Variants in NTF4 observed in about 807,000 individuals in gnomAD.
NTF4 encodes the protein neurotrophin-4.
A neutral mutation model predicts 4.4 loss-of-function variants in NTF4; 2 were observed. The ratio of observed to expected loss-of-function variants is 0.46; its 90% CI spans 0.19 to 1.44. The LOEUF (loss-of-function observed/expected upper bound fraction) is 1.44. NTF4 is among the 40% of genes most tolerant of loss of function. NTF4 has a pLI of 0.26. For missense variants in NTF4, 260 were observed against 293.0 expected, an observed-to-expected ratio of 0.89 and a Z score of 0.82; for synonymous variants, 127 against 122.0, an observed-to-expected ratio of 1.04 and a Z score of -0.27.
upstream of NTF4, chr19:49,063,642 C>T (rs890611913): frequency 6.6e-6 from 1 of 152,114 alleles, no homozygotes; most frequent in South Asian, 2.1e-4. Flanking sequence ...CTGGTGGAGG[C>T]GCGGATTTTG....
chr19:49,062,020 A>G, upstream of NTF4: 1 of 1,442,764 alleles, frequency 6.9e-7, no homozygotes, highest in South Asian at 1.5e-5. Flanking sequence ...CTGGAGACAG[A>G]AAGAGGGAGG....
downstream of NTF4, among the ~76,000 whole-genome samples, chr19:49,059,286 T>C: frequency 6.6e-6 from 1 of 152,082 alleles, no homozygotes; most frequent in East Asian, 1.9e-4. Flanking sequence ...CTGCCTGCCT[T>C]TGATTTGGTT....
At chr19:49,059,554 G>A (rs999104708), downstream of NTF4, among the ~76,000 whole-genome samples, 4 of 152,162 alleles carry the variant, frequency 2.6e-5, no homozygotes, top group African/African-American at 7.2e-5. Flanking sequence ...ACAAGGAGAC[G>A]TAGAAACTGA....
At chr19:49,059,533 A>T (rs1326057570), downstream of NTF4, among the ~76,000 whole-genome samples, 1 of 152,206 alleles carries the variant, frequency 6.6e-6, no homozygotes. Context: ...GACCAAAGTC[A>T]CAGATGGAAA....
At chr19:49,058,584 G>A (rs1179738061), downstream of NTF4, 2 of 479,678 alleles carry the variant, frequency 4.2e-6, no homozygotes, top group Non-Finnish European at 7.3e-6. Flanking sequence ...CCCAGGCCCC[G>A]CAGGGCTTCA....
Position 49,061,627 on chromosome 19 carries a change from A to G in NTF4, c.371T>C (p.Val124Ala). Residue 124 changes from valine (V) to alanine (A), a missense_variant, in exon 1 of 1, where the codon GTG becomes GCG. Val to Ala is a moderately conservative substitution (Grantham distance 64). Coordinates refer to ENST00000593537, the Ensembl canonical transcript of NTF4. This position sits in a 1 kb window ranked among gnomAD's most constrained non-coding sequence, Gnocchi z 4.9. ...GAGGGGACTGCCGCCAGCTGCAGGCACCTCGCCCAACACCTCCACCTCGCG... is the reference window on the plus strand; with the variant it reads ...GAGGGGACTGCCGCCAGCTGCAGGCGCCTCGCCCAACACCTCCACCTCGCG... 6.2e-7 allele frequency: 1 copy of G among 1,613,754 alleles called. No homozygotes were observed. Among genetic ancestry groups the G allele is most frequent in the Non-Finnish European group, 8.5e-7 (1 of 1,179,994 alleles).
At position 49,061,769 on chromosome 19, in the gene NTF4, G is replaced by A. The variant is rs749505090; in HGVS notation, c.229C>T (p.Arg77Cys). 58 of 1,574,906 alleles carry A rather than the reference G, an allele frequency of 3.7e-5. No homozygotes were observed. Among genetic ancestry groups the A allele is most frequent in the Non-Finnish European group, 4.7e-5 (55 of 1,161,510 alleles). ...GTTTCGCTCACCCCACGCCGGCTGC[G>A]GTTGGCCGGGGCACCTGCTGACTCC... Residue 77 changes from arginine to cysteine, a missense_variant, in exon 1 of 1, where the codon CGC becomes TGC. Arg to Cys is a radical substitution (Grantham distance 180). Coordinates refer to ENST00000593537, the Ensembl canonical transcript of NTF4. This position sits in a 1 kb window ranked among gnomAD's most constrained non-coding sequence, Gnocchi z 4.9.
At chr19:49,062,047 G>A, upstream of NTF4, 1 of 1,428,740 alleles carries the variant, frequency 7.0e-7, no homozygotes, top group Non-Finnish European at 9.2e-7. Flanking sequence ...TTAGAGAAGG[G>A]GGTAAAAACT....
rs1319475405 is a variant in NTF4 at position 49,061,962 on chromosome 19, G to A, written c.36C>T (p.Leu12=). The A allele has an allele frequency of 2.0e-6, 3 of 1,496,204 alleles. No homozygotes were observed. The highest frequency in any genetic ancestry group is 2.5e-5 in the East Asian group (1 of 40,036). The allele number at this position is 1,496,204 out of a possible 1,614,324, so 92.7% of individuals were successfully genotyped here. ...GCACACTGGGGAGGAGGAAAAGGAG[G>A]AGGATGGGGAGGGAGCATGAGGGGA... The change falls in exon 1 of 1, where the codon CTC becomes CTT. Residue 12 remains leucine, a synonymous_variant. Transcript: ENST00000593537. This position sits in a 1 kb window ranked among gnomAD's most constrained non-coding sequence, Gnocchi z 4.9.
downstream of NTF4, among the ~76,000 whole-genome samples, chr19:49,060,068 A>AAAAAAAAAC (rs2040114907): frequency 1.4e-5 from 2 of 145,154 alleles, no homozygotes; most frequent in African/African-American, 5.0e-5. Context: ...AAAAAAAAAA[A>AAAAAAAAAC]AGCTTTTGGT....
chr19:49,060,977 T>A (rs1217719057), downstream of NTF4: 2 of 245,102 alleles, frequency 8.2e-6, no homozygotes, highest in East Asian at 2.1e-4. Flanking sequence ...ACCCACATCG[T>A]GAAATGTCCC....
chr19:49,062,220 C>T (rs2040160918), upstream of NTF4, among the ~76,000 whole-genome samples: 1 of 152,174 alleles, frequency 6.6e-6, no homozygotes, highest in South Asian at 2.1e-4. Context: ...AGGCACTGTG[C>T]CCCACACCTC....
rs1190020412 is a variant in NTF4, at chr19:49,061,912, G to T, written c.86C>A (p.Ser29Ter). ...AGGGGCCAGAAAAGGGGGCAATGTTGAGGGTGGGGGTTGGGACTCAATTGG... is the reference window on the plus strand; with the variant it reads ...AGGGGCCAGAAAAGGGGGCAATGTTTAGGGTGGGGGTTGGGACTCAATTGG... Residue 29 changes from serine (S) to a stop codon, truncating the protein, a stop_gained, in exon 1 of 1, where the codon TCA becomes TAA. Transcript: ENST00000593537. LOFTEE classifies it low-confidence loss of function (END_TRUNC). The surrounding 1 kb of genome is among the most constrained non-coding windows in gnomAD (Gnocchi z 4.9). 43 of 1,528,620 alleles carry T rather than the reference G, an allele frequency of 2.8e-5. No individual in the cohort carries two copies. The highest frequency in any genetic ancestry group is 3.7e-5 in the Non-Finnish European group (42 of 1,128,764). 94.7% of individuals were successfully genotyped at this position (1,528,620 alleles called of 1,614,324 possible). A position where few individuals can be genotyped will look rare whatever the true frequency, so the allele number is the denominator to read the frequency against.
upstream of NTF4, among the ~76,000 whole-genome samples, chr19:49,062,471 AGAGT>A (rs1385375048): frequency 7.2e-5 from 11 of 152,146 alleles, no homozygotes; most frequent in Admixed American, 7.2e-4. Flanking sequence ...CTGGGCGACA[AGAGT>A]GAGACTCTGT....
downstream of NTF4, among the ~76,000 whole-genome samples, chr19:49,059,207 C>A (rs182766693): frequency 7.9e-5 from 12 of 152,278 alleles, no homozygotes; most frequent in African/African-American, 2.9e-4. Flanking sequence ...GTAACGATTT[C>A]CAGATGTCCC....
At chr19:49,062,160 C>T (rs550250943), upstream of NTF4, among the ~76,000 whole-genome samples, 7 of 152,276 alleles carry the variant, frequency 4.6e-5, no homozygotes, top group East Asian at 7.7e-4. Context: ...CTAGGGCTTG[C>T]GTAATGCGCA....
Position 49,061,768 on chromosome 19 carries a change from C to T in NTF4, c.230G>A (p.Arg77His), listed in dbSNP as rs776576559. The T allele has an allele frequency of 8.2e-6, 13 of 1,578,360 alleles. No individual in the cohort carries two copies. Among genetic ancestry groups the T allele is most frequent in the South Asian group, 6.9e-5 (6 of 87,454 alleles). Residue 77 changes from arginine (R) to histidine (H), a missense_variant, in exon 1 of 1, where the codon CGC (arginine) becomes CAC (histidine). Coordinates refer to ENST00000593537, the Ensembl canonical transcript of NTF4. This position sits in a 1 kb window ranked among gnomAD's most constrained non-coding sequence, Gnocchi z 4.9. Reference sequence around the variant, plus strand: ...AGTTTCGCTCACCCCACGCCGGCTGCGGTTGGCCGGGGCACCTGCTGACTC... The same window carrying T: ...AGTTTCGCTCACCCCACGCCGGCTGTGGTTGGCCGGGGCACCTGCTGACTC...
downstream of NTF4, among the ~76,000 whole-genome samples, chr19:49,059,295 T>C (rs1371531472): frequency 6.6e-6 from 1 of 152,046 alleles, no homozygotes; most frequent in Non-Finnish European, 1.5e-5. Flanking sequence ...TTTGATTTGG[T>C]TGAAAACTTC....
chr19:49,062,112 G>A, upstream of NTF4: 1 of 1,314,796 alleles, frequency 7.6e-7, no homozygotes, highest in Non-Finnish European at 1.0e-6. Flanking sequence ...CAGGATTGTG[G>A]GGAAGCCCTT....
Sources: gnomAD v4.1 joint callset for allele counts (sites outside exome capture counted in the v4.1 genomes callset) on GRCh38, gnomAD v4.1.1 for gene constraint, Gnocchi (gnomAD v3.1) non-coding constraint, MANE v1.5 for transcripts, NCBI Gene and HGNC (gene_info 2026-07-23, HGNC 2026-07-21) for gene names.